Variants in AHCYL2 observed in about 807,000 individuals in gnomAD.
AHCYL2 encodes the protein adenosylhomocysteinase like 2, also known as S-adenosylhomocysteine hydrolase-like protein 2.
Under a neutral mutation model 81.4 loss-of-function variants are expected in AHCYL2, and 28 were observed. That is an observed-to-expected ratio of 0.34 (90% confidence interval 0.25 to 0.47). AHCYL2 has a LOEUF of 0.47. Among genes scored for constraint, AHCYL2 ranks in the 20% least tolerant of loss-of-function variants. The pLI, the probability that AHCYL2 is intolerant of heterozygous loss-of-function variation, is 1.00. For synonymous variants in AHCYL2, 272 were observed against 290.2 expected, an observed-to-expected ratio of 0.94 and a Z score of 0.64; for missense variants, 551 against 785.1, an observed-to-expected ratio of 0.70 and a Z score of 3.56.
At chr7:129,239,112 C>T (rs927029839) in intron 1 of AHCYL2, among the ~76,000 whole-genome samples, 1 of 152,172 alleles carries the variant, frequency 6.6e-6, no homozygotes, top group Non-Finnish European at 1.5e-5. Flanking sequence ...TCTTAATTTA[C>T]AGTCATGTAT....
At position 129,406,987 on chromosome 7, in the gene AHCYL2, ACTTTT is replaced by A. The variant is rs1262317965; in HGVS notation, c.1295+525_1295+529del. Among the ~76,000 whole-genome samples, 4 of 152,192 alleles carry A rather than the reference ACTTTT, an allele frequency of 2.6e-5. No homozygotes were observed. The highest frequency in any genetic ancestry group is 4.4e-5 in the Non-Finnish European group (3 of 68,040). ...AATGATTCTAAAATTAAAAGTTAAA[ACTTTT>A]CTTATCTATAAAATGTGTGTAATCA... On this transcript the variant is annotated intron_variant, in intron 10 of 16. Coordinates refer to ENST00000325006, the MANE Select transcript of AHCYL2 (RefSeq NM_015328.4). This position sits in a 1 kb window ranked among gnomAD's most constrained non-coding sequence, Gnocchi z 4.3.
At chr7:129,301,555 G>A (rs1797257019) in intron 1 of AHCYL2, among the ~76,000 whole-genome samples, 1 of 151,474 alleles carries the variant, frequency 6.6e-6, no homozygotes, top group African/African-American at 2.4e-5. Flanking sequence ...AGAGATAGAG[G>A]TCTAGTTTTA....
intron 1 of AHCYL2, among the ~76,000 whole-genome samples, chr7:129,264,550 T>C (rs1250442111): frequency 3.3e-5 from 5 of 152,000 alleles, no homozygotes; most frequent in Admixed American, 2.6e-4. Context: ...GTCTGTGAAA[T>C]TATAGTAGAG....
At position 129,368,356 on chromosome 7, in the gene AHCYL2, G is replaced by C. The variant is rs1481959696; in HGVS notation, c.364-11282G>C. 6.7e-7 allele frequency: 1 copy of C among 1,493,266 alleles called. No homozygotes were observed. The highest frequency in any genetic ancestry group is 1.4e-5 in the African/African-American group (1 of 71,438). 92.5% of individuals were successfully genotyped at this position (1,493,266 alleles called of 1,614,324 possible). ...TTTGAATCGGAGGCTGCTGTGAAAA[G>C]GGATGCAGCTTCTGCTAGCCACTGT... On this transcript the variant is annotated intron_variant, in intron 1 of 16. Transcript: ENST00000325006. The surrounding 1 kb of genome is among the most constrained non-coding windows in gnomAD (Gnocchi z 4.4).
At chr7:129,287,594 A>G (rs1299370436) in intron 1 of AHCYL2, among the ~76,000 whole-genome samples, 1 of 152,240 alleles carries the variant, frequency 6.6e-6, no homozygotes, top group Non-Finnish European at 1.5e-5. Flanking sequence ...GCTCTCTGGG[A>G]AAGAAAAACC....
intron 1 of AHCYL2, among the ~76,000 whole-genome samples, chr7:129,334,998 T>G (rs962030868): frequency 6.6e-6 from 1 of 152,378 alleles, no homozygotes; most frequent in Middle Eastern, 3.4e-3. Context: ...GTCTGTGATT[T>G]CACTTCTCTG....
intron 1 of AHCYL2, among the ~76,000 whole-genome samples, chr7:129,375,171 A>T (rs1247840118): frequency 1.3e-5 from 2 of 152,188 alleles, no homozygotes; most frequent in Non-Finnish European, 2.9e-5. Context: ...ACTAGAAACC[A>T]AATGTCAAAA....
Position 129,225,450 on chromosome 7 carries a change from C to G in AHCYL2, c.363+11C>G, listed in dbSNP as rs1794175865. ...CGCACAGTCAAGAAGGTACTGGGGC[C>G]GGGCTGCCTCTCTAGGAGAGGAAGG... On this transcript the variant is annotated intron_variant, in intron 1 of 16. Transcript: ENST00000325006. The G allele has an allele frequency of 6.7e-7, 1 of 1,500,856 alleles. No individual in the cohort carries two copies. Among genetic ancestry groups the G allele is most frequent in the Admixed American group, 2.2e-5 (1 of 46,202 alleles). The allele number at this position is 1,500,856 out of a possible 1,614,324, so 93.0% of individuals were successfully genotyped here. A position where few individuals can be genotyped will look rare whatever the true frequency, so the allele number is the denominator to read the frequency against.
intron 1 of AHCYL2, among the ~76,000 whole-genome samples, chr7:129,235,326 A>G (rs1794605073): frequency 6.6e-6 from 1 of 151,670 alleles, no homozygotes; most frequent in Non-Finnish European, 1.5e-5. Context: ...ATCACTGTAA[A>G]CTTGAACTCC....
chr7:129,410,176 A>G (rs1392649332), intron 11 of AHCYL2: 2 of 1,611,290 alleles, frequency 1.2e-6, no homozygotes, highest in Non-Finnish European at 1.7e-6. Flanking sequence ...GTTTATAACC[A>G]ATCCGATCAT....
At chr7:129,370,601 G>A (rs184997855) in intron 1 of AHCYL2, among the ~76,000 whole-genome samples, 81 of 152,336 alleles carry the variant, frequency 5.3e-4, no homozygotes, top group South Asian at 1.7e-3. Context: ...TGGAGGCTGA[G>A]GCAGGAGAAT....
chr7:129,425,479 T>A (rs1797321946), intron 15 of AHCYL2, among the ~76,000 whole-genome samples: 1 of 152,112 alleles, frequency 6.6e-6, no homozygotes, highest in South Asian at 2.1e-4. Context: ...CCTTGTGACA[T>A]CTGACTTACT....
chr7:129,403,282 T>C, intron 6 of AHCYL2, 97 bp from the exon 7 acceptor site: 1 of 708,984 alleles, frequency 1.4e-6, no homozygotes. Flanking sequence ...TAAATATCTG[T>C]AAATTGCTAA....
At position 129,336,071 on chromosome 7, in the gene AHCYL2, C is replaced by CTTT. The variant is rs11373631; in HGVS notation, c.364-43552_364-43550dup. ...CTTCTTTTCTCTTCTCTTTTCTTTC[C>CTTT]TTTTTTTTTTTTTTTTTGACGGAGT... On this transcript the variant is annotated intron_variant, in intron 1 of 16. Coordinates refer to ENST00000325006, the MANE Select transcript of AHCYL2 (RefSeq NM_015328.4). Among the ~76,000 whole-genome samples, 233 of 118,376 alleles carry CTTT rather than the reference C, an allele frequency of 2.0e-3. 2 individuals are homozygous for CTTT. Among genetic ancestry groups the CTTT allele is most frequent in the African/African-American group, 6.1e-3 (167 of 27,344 alleles). 77.7% of individuals were successfully genotyped at this position (118,376 alleles called of 152,430 possible). A position where few individuals can be genotyped will look rare whatever the true frequency, so the allele number is the denominator to read the frequency against.
intron 1 of AHCYL2, among the ~76,000 whole-genome samples, chr7:129,334,535 T>A (rs62480623): frequency 0.23 from 35,452 of 152,068 alleles, 5,189 homozygotes; most frequent in Non-Finnish European, 0.32. Flanking sequence ...ATTCCTCCTA[T>A]CTACCTTGCC....
chr7:129,350,864 C>G (rs1162769112), intron 1 of AHCYL2, among the ~76,000 whole-genome samples: 1 of 150,792 alleles, frequency 6.6e-6, no homozygotes, highest in Non-Finnish European at 1.5e-5. Context: ...CCATGATGCC[C>G]CGCTAATTTT....
intron 1 of AHCYL2, among the ~76,000 whole-genome samples, chr7:129,365,791 G>A (rs1794092766): frequency 6.6e-6 from 1 of 151,724 alleles, no homozygotes; most frequent in Non-Finnish European, 1.5e-5. Context: ...TGTGGGAAAA[G>A]GGGGAAATCA....
chr7:129,232,033 G>A (rs1001312562), intron 1 of AHCYL2, among the ~76,000 whole-genome samples: 3 of 151,874 alleles, frequency 2.0e-5, no homozygotes, highest in Non-Finnish European at 4.4e-5. Flanking sequence ...TATTTGAACT[G>A]CTGATTGAGT....
intron 9 of AHCYL2, 67 bp downstream of exon 9, chr7:129,405,966 T>C (rs1424433025): frequency 6.7e-7 from 1 of 1,489,704 alleles, no homozygotes; most frequent in Non-Finnish European, 9.3e-7. Flanking sequence ...TGGAATTTTT[T>C]ATTTGTATGG....
Sources: allele counts gnomAD v4.1 joint callset (sites outside exome capture counted in the v4.1 genomes callset), GRCh38; gene constraint gnomAD v4.1.1; non-coding constraint Gnocchi (gnomAD v3.1); transcripts MANE v1.5; gene names NCBI Gene and HGNC (gene_info 2026-07-23, HGNC 2026-07-21).